Variants in AKAP11 observed in about 807,000 individuals in gnomAD.
The protein encoded by AKAP11 is A-kinase anchor protein 11.
A neutral mutation model predicts 146.1 loss-of-function variants in AKAP11; 36 were observed. That is an observed-to-expected ratio of 0.25 (90% CI 0.19 to 0.33). The LOEUF (loss-of-function observed/expected upper bound fraction) is 0.33, where lower values mean the gene tolerates loss of function less well. Ranked by LOEUF, AKAP11 falls within the 10% of genes least tolerant of loss-of-function variation. The pLI, the probability that AKAP11 is intolerant of heterozygous loss-of-function variation, is 1.00. For missense variants in AKAP11, 2,201 were observed against 2,197.0 expected (o/e 1.00, Z -0.04); for synonymous variants, 780 against 786.5 (o/e 0.99, Z 0.14).
Position 42,301,694 on chromosome 13 carries a change from A to G in AKAP11, c.2948A>G (p.Glu983Gly), listed in dbSNP as rs762553192. Reference protein sequence around the residue: ...VSGEESQLTPEKSPKFPDSQN... With the variant: ...VSGEESQLTPGKSPKFPDSQN... ...GGAGAAGAATCACAGTTGACACCAG[A>G]AAAGTCTCCCAAATTTCCTGACTCT... The change falls in exon 8 of 13, where the codon GAA (glutamate) becomes GGA (glycine). Residue 983 changes from glutamate to glycine, a missense_variant. Physicochemically the swap from Glu to Gly is moderately conservative, Grantham distance 98 (BLOSUM62 -2). Transcript: ENST00000025301. The G allele has an allele frequency of 6.2e-7, 1 of 1,614,162 alleles. No individual in the cohort carries two copies. The highest frequency in any genetic ancestry group is 1.1e-5 in the South Asian group (1 of 91,080).
rs746641114 is a variant in AKAP11, at chr13:42,300,940, A to G, written c.2194A>G (p.Ser732Gly). 1.2e-6 allele frequency: 2 copies of G among 1,614,164 alleles called. No individual in the cohort carries two copies. Among genetic ancestry groups the G allele is most frequent in the South Asian group, 2.2e-5 (2 of 91,086 alleles). Residue 732 changes from serine to glycine, a missense_variant, in exon 8 of 13, where the codon AGT (serine) becomes GGT (glycine). Ser to Gly is a moderately conservative substitution (Grantham distance 56). Coordinates refer to ENST00000025301, the MANE Select transcript of AKAP11 (RefSeq NM_016248.4). ...TAATATCAAGTATGTGAGTGCAGAAAGTGTAGTGCCATCGACACAGGCTGT... is the reference window on the plus strand; with the variant it reads ...TAATATCAAGTATGTGAGTGCAGAAGGTGTAGTGCCATCGACACAGGCTGT... ...TDNIKYVSAE[S>G]VVPSTQAVTF...
chr13:42,308,653 A>C (rs778496758), intron 9 of AKAP11, 44 bp downstream of exon 9: 87 of 1,444,368 alleles, frequency 6.0e-5, no homozygotes, highest in Non-Finnish European at 6.6e-6. Context: ...AGGTCCTCAG[A>C]TCTTAGAAGT....
rs1159174883 is a variant in AKAP11 at position 42,299,840 on chromosome 13, T to C, written c.1094T>C (p.Leu365Pro). 2 of 1,613,812 alleles carry C rather than the reference T, an allele frequency of 1.2e-6. No individual in the cohort carries two copies. Among genetic ancestry groups the C allele is most frequent in the Admixed American group, 1.7e-5 (1 of 59,974 alleles). ...FFDSFDQFDE[L>P]EQTLETCLFN... ...GATAGTTTTGATCAGTTTGATGAAC[T>C]AGAACAAACTTTAGAGACTTGCCTG... is the stretch of plus-strand genomic sequence containing the variant. Residue 365 changes from leucine to proline, a missense_variant, in exon 8 of 13, where the codon CTA becomes CCA. Coordinates refer to ENST00000025301, the MANE Select transcript of AKAP11 (RefSeq NM_016248.4).
intron 11 of AKAP11, among the ~76,000 whole-genome samples, chr13:42,314,632 G>A (rs768552540): frequency 2.6e-5 from 4 of 151,728 alleles, no homozygotes; most frequent in Non-Finnish European, 5.9e-5. Context: ...TTCCAAACTG[G>A]TAACTTGTAG....
chr13:42,306,025 C>T (rs1002852443), intron 8 of AKAP11, among the ~76,000 whole-genome samples: 1 of 152,078 alleles, frequency 6.6e-6, no homozygotes, highest in Admixed American at 6.5e-5. Flanking sequence ...CAATCACCTC[C>T]CACCAGGTCC....
At chr13:42,276,336 C>A (rs1003011127) in intron 1 of AKAP11, among the ~76,000 whole-genome samples, 1 of 152,142 alleles carries the variant, frequency 6.6e-6, no homozygotes, top group South Asian at 2.1e-4. Context: ...ACCTCCTCCT[C>A]CCAGGGCTCA....
chr13:42,302,888 A>G lies in AKAP11; in HGVS notation c.4142A>G (p.Gln1381Arg), dbSNP rs751597734. The change falls in exon 8 of 13, where the codon CAG becomes CGG. Residue 1381 changes from glutamine (Q) to arginine (R), a missense_variant. By Grantham distance (43) the Gln-to-Arg change is conservative. Coordinates refer to ENST00000025301, the MANE Select transcript of AKAP11 (RefSeq NM_016248.4). ...LAYRSVKSGLQEAAKTTKVQC... is the reference protein window; with the variant it reads ...LAYRSVKSGLREAAKTTKVQC... ...TACCGATCTGTTAAATCAGGATTACAGGAAGCAGCTAAGACAACCAAAGTG... is the reference window on the plus strand; with the variant it reads ...TACCGATCTGTTAAATCAGGATTACGGGAAGCAGCTAAGACAACCAAAGTG... 3.1e-6 allele frequency: 5 copies of G among 1,614,102 alleles called. No individual in the cohort carries two copies. Among genetic ancestry groups the G allele is most frequent in the Non-Finnish European group, 4.2e-6 (5 of 1,180,028 alleles).
chr13:42,303,732 T>C lies in AKAP11; in HGVS notation c.4986T>C (p.Ala1662=), dbSNP rs1307658194. 1 of 1,614,128 alleles carries C rather than the reference T, an allele frequency of 6.2e-7. No individual in the cohort carries two copies. Among genetic ancestry groups the C allele is most frequent in the Non-Finnish European group, 8.5e-7 (1 of 1,180,008 alleles). ...EKIVAEAIEK[A]ERELSSTSLA... ...TAGTTGCTGAAGCCATTGAAAAAGC[T>C]GAGCGAGAGCTGAGCAGTACCAGCC... The change falls in exon 8 of 13, where the codon GCT becomes GCC. Residue 1662 remains alanine (A), a synonymous_variant. Coordinates refer to ENST00000025301, the MANE Select transcript of AKAP11 (RefSeq NM_016248.4).
At chr13:42,310,557 A>G (rs1298515827) in intron 9 of AKAP11, among the ~76,000 whole-genome samples, 6 of 152,084 alleles carry the variant, frequency 3.9e-5, no homozygotes, top group African/African-American at 1.4e-4. Flanking sequence ...GGAGATAAAG[A>G]CTTCGGCGAT....
intron 8 of AKAP11, among the ~76,000 whole-genome samples, chr13:42,307,710 T>C (rs918238154): frequency 2.6e-5 from 4 of 151,728 alleles, no homozygotes; most frequent in South Asian, 2.1e-4. Context: ...GGGAGAACAG[T>C]AGGAGTTCAG....
chr13:42,277,020 C>T (rs1023462620), intron 1 of AKAP11, among the ~76,000 whole-genome samples: 3 of 152,214 alleles, frequency 2.0e-5, no homozygotes, highest in Admixed American at 6.5e-5. Context: ...GGAGCATATT[C>T]ATGTTGAAAG....
Position 42,292,439 on chromosome 13 carries a change from G to A in AKAP11, c.106G>A (p.Glu36Lys). The change falls in exon 4 of 13, where the codon GAA becomes AAA. Residue 36 changes from glutamate (E) to lysine (K), a missense_variant. Around this residue, in one of 3 missense-constraint regions of AKAP11, gnomAD observed 331 missense variants for 347.4 expected, o/e 0.95. Transcript: ENST00000025301. ...AAAGTCTTTATTGCAGAGTCAGAAG[G>A]AACTATGCAGTGTAACAGCAGAGGA... ...SVKSLLQSQK[E>K]LCSVTAEDCL... The A allele has an allele frequency of 4.4e-6, 7 of 1,596,416 alleles. No individual in the cohort carries two copies. The highest frequency in any genetic ancestry group is 6.0e-6 in the Non-Finnish European group (7 of 1,167,566).
chr13:42,301,943 T>C lies in AKAP11; in HGVS notation c.3197T>C (p.Phe1066Ser). ...TTGTCTTTTGGACAGGAAAACCCCT[T>C]TCCTCATTCACATACTTTCTCATCT... Reference protein sequence around the residue: ...EALSFGQENPFPHSHTFSSTA... With the variant: ...EALSFGQENPSPHSHTFSSTA... Residue 1066 changes from phenylalanine (F) to serine (S), a missense_variant, in exon 8 of 13, where the codon TTT becomes TCT. Transcript: ENST00000025301. 1 of 1,614,150 alleles carries C rather than the reference T, an allele frequency of 6.2e-7. No homozygotes were observed. Among genetic ancestry groups the C allele is most frequent in the Non-Finnish European group, 8.5e-7 (1 of 1,180,012 alleles).
At chr13:42,287,922 C>A (rs754647736) in intron 3 of AKAP11, among the ~76,000 whole-genome samples, 1 of 152,180 alleles carries the variant, frequency 6.6e-6, no homozygotes, top group Non-Finnish European at 1.5e-5. Context: ...AAATTTCATA[C>A]TATTATTACC....
chr13:42,308,964 T>C (rs1197186448), intron 9 of AKAP11, among the ~76,000 whole-genome samples: 1 of 152,044 alleles, frequency 6.6e-6, no homozygotes, highest in Non-Finnish European at 1.5e-5. Context: ...AAAGGACAGG[T>C]ATCTGTAAAA....
chr13:42,308,571 C>G lies in AKAP11; in HGVS notation c.5235C>G (p.His1745Gln). The change falls in exon 9 of 13, where the codon CAC becomes CAG. Residue 1745 changes from histidine to glutamine, a missense_variant. His to Gln is a conservative substitution (Grantham distance 24, BLOSUM62 0). Transcript: ENST00000025301. ...SWSNLSFEDE[H>Q]QDESSSFHHL... is the part of the protein sequence containing the mutation. ...CCAATTTAAGTTTTGAAGATGAACA[C>G]CAAGATGAAAGCAGCAGTTTTCATC... is the stretch of plus-strand genomic sequence containing the variant. 1 of 1,612,936 alleles carries G rather than the reference C, an allele frequency of 6.2e-7. No homozygotes were observed. Among genetic ancestry groups the G allele is most frequent in the Non-Finnish European group, 8.5e-7 (1 of 1,179,330 alleles).
chr13:42,278,330 G>A (rs1431719747), intron 1 of AKAP11, among the ~76,000 whole-genome samples: 2 of 152,172 alleles, frequency 1.3e-5, no homozygotes, highest in Non-Finnish European at 2.9e-5. Flanking sequence ...GATAGCTGTA[G>A]TAGTTTTAGA....
Position 42,299,801 on chromosome 13 carries a change from T to G in AKAP11, c.1055T>G (p.Val352Gly), listed in dbSNP as rs747418511. 1 of 1,613,774 alleles carries G rather than the reference T, an allele frequency of 6.2e-7. No individual in the cohort carries two copies. The highest frequency in any genetic ancestry group is 1.7e-5 in the Admixed American group (1 of 59,970). ...KDDIEDSDSE[V>G]SEFFDSFDQF... Reference sequence around the variant, plus strand: ...GATATAGAGGATTCAGACTCAGAAGTAAGTGAATTTTTTGATAGTTTTGAT... The same window carrying G: ...GATATAGAGGATTCAGACTCAGAAGGAAGTGAATTTTTTGATAGTTTTGAT... Residue 352 changes from valine to glycine, a missense_variant, in exon 8 of 13, where the codon GTA (valine) becomes GGA (glycine). Val to Gly is a moderately radical substitution (Grantham distance 109, BLOSUM62 -3). Transcript: ENST00000025301.
intron 3 of AKAP11, among the ~76,000 whole-genome samples, chr13:42,289,956 C>T (rs572371724): frequency 6.6e-6 from 1 of 152,252 alleles, no homozygotes; most frequent in East Asian, 1.9e-4. Context: ...AGCATCATAC[C>T]TTTAAGTATG....
Sources: allele counts gnomAD v4.1 joint callset (sites outside exome capture counted in the v4.1 genomes callset), GRCh38; gene constraint gnomAD v4.1.1; regional missense constraint gnomAD v4.1.1; transcripts MANE v1.5; gene names NCBI Gene and HGNC (gene_info 2026-07-23, HGNC 2026-07-21).